UBE2E2: variants seen among roughly 807,000 people sequenced by gnomAD.
UBE2E2 encodes the protein ubiquitin conjugating enzyme E2 E2, also known as ubiquitin-conjugating enzyme E2 E2.
UBE2E2 carries 6 observed loss-of-function variants against 24.7 expected under a neutral mutation model. That is an observed-to-expected ratio of 0.24 (90% confidence interval 0.13 to 0.48). UBE2E2 has a LOEUF of 0.48. Ranked by LOEUF, UBE2E2 falls within the 20% of genes least tolerant of loss-of-function variation. The probability of loss-of-function intolerance (pLI) is 0.99; values close to 1 mark genes in which losing one functional copy is unlikely to be tolerated. For synonymous variants in UBE2E2, 104 were observed against 83.6 expected, an observed-to-expected ratio of 1.24 and a Z score of -1.33; for missense variants, 169 against 245.0, an observed-to-expected ratio of 0.69 and a Z score of 2.07.
intron 4 of UBE2E2, among the ~76,000 whole-genome samples, chr3:23,527,274 G>T (rs2125480739): frequency 6.6e-6 from 1 of 152,222 alleles, no homozygotes; most frequent in African/African-American, 2.4e-5. Context: ...AACTAAATAT[G>T]AGCTTAACAT....
At position 23,407,641 on chromosome 3, in the gene UBE2E2, GCGTGCA is replaced by G. The variant is rs1697393178; in HGVS notation, c.228-91966_228-91961del. Reference sequence around the variant, plus strand: ...CATGTGTGTGTGTTTGTGTGTGCATGCGTGCATGTGTGTGTGTGTGTGTGTGTGTGT... The same window carrying G: ...CATGTGTGTGTGTTTGTGTGTGCATGTGTGTGTGTGTGTGTGTGTGTGTGT... On this transcript the variant is annotated intron_variant, in intron 3 of 5. Coordinates refer to ENST00000396703, the MANE Select transcript of UBE2E2 (RefSeq NM_152653.4). The surrounding 1 kb of genome is among the most constrained non-coding windows in gnomAD (Gnocchi z 4.0). 7.7e-6 allele frequency among the ~76,000 whole-genome samples: 1 copy of G among 130,666 alleles called. No individual in the cohort carries two copies. The highest frequency in any genetic ancestry group is 7.9e-5 in the Admixed American group (1 of 12,622). The allele number at this position is 130,666 out of a possible 152,430, so 85.7% of individuals were successfully genotyped here.
rs1696742986 is a variant in UBE2E2, at chr3:23,590,789, T to C, written c.*958T>C. On this transcript the variant is annotated 3_prime_UTR_variant, in exon 6 of 6. Coordinates refer to ENST00000396703, the MANE Select transcript of UBE2E2 (RefSeq NM_152653.4). The stretch of plus-strand genomic sequence containing the variant: ...GGTTGTTATAGTAAATTGCTATCAT[T>C]TTACATATTGACTGGGCATTCTTTC... The C allele has an allele frequency of 6.6e-6, 1 of 152,244 alleles. No individual in the cohort carries two copies. Among genetic ancestry groups the C allele is most frequent in the Non-Finnish European group, 1.5e-5 (1 of 68,040 alleles). The allele number at this position is 152,244 out of a possible 1,614,324, so 9.4% of individuals were successfully genotyped here. A position where few individuals can be genotyped will look rare whatever the true frequency, so the allele number is the denominator to read the frequency against.
At chr3:23,569,984 A>T (rs143117261) in intron 5 of UBE2E2, among the ~76,000 whole-genome samples, 1 of 152,114 alleles carries the variant, frequency 6.6e-6, no homozygotes, top group Admixed American at 6.5e-5. Flanking sequence ...TTGCTTTTCT[A>T]TCCCTTAACA....
Position 23,490,719 on chromosome 3 carries a change from GTAT to G in UBE2E2, c.228-8885_228-8883del, listed in dbSNP as rs376629002. Reference sequence around the variant, plus strand: ...CTACTGCTTTCCCTGGGAAAAGGAAGTATTATGATGATTAAGTAGTAGTTATTT... The same window carrying G: ...CTACTGCTTTCCCTGGGAAAAGGAAGTATGATGATTAAGTAGTAGTTATTT... On this transcript the variant is annotated intron_variant, in intron 3 of 5. Transcript: ENST00000396703. Among the ~76,000 whole-genome samples the G allele has an allele frequency of 3.2e-4, 48 of 152,282 alleles. No individual in the cohort carries two copies. In the East Asian group the frequency reaches 3.5e-3, roughly 11 times the overall value.
intron 5 of UBE2E2, among the ~76,000 whole-genome samples, chr3:23,568,698 T>TATATATACATGTATATACACAC (rs767858095): frequency 1.7e-5 from 1 of 59,472 alleles, no homozygotes; most frequent in Non-Finnish European, 3.5e-5. Context: ...TATACACACA[T>TATATATACATGTATATACACAC]ATATATATAC....
intron 3 of UBE2E2, among the ~76,000 whole-genome samples, chr3:23,472,524 C>A (rs1030623423): frequency 1.3e-5 from 2 of 150,992 alleles, no homozygotes; most frequent in Non-Finnish European, 1.5e-5. Flanking sequence ...GCAAAGTATT[C>A]TTTGTCACCA....
At chr3:23,466,242 A>T (rs1450348371) in intron 3 of UBE2E2, among the ~76,000 whole-genome samples, 2 of 152,184 alleles carry the variant, frequency 1.3e-5, no homozygotes, top group Admixed American at 6.5e-5. Flanking sequence ...TAAAAAAGTT[A>T]AAAGAAATGT....
chr3:23,352,703 A>C (rs1357010582), intron 3 of UBE2E2, among the ~76,000 whole-genome samples: 1 of 152,194 alleles, frequency 6.6e-6, no homozygotes, highest in Non-Finnish European at 1.5e-5. Flanking sequence ...GAATCTCTGA[A>C]TAGACCAATA....
intron 3 of UBE2E2, among the ~76,000 whole-genome samples, chr3:23,442,361 CA>C (rs562259522): frequency 4.6e-4 from 70 of 152,056 alleles, no homozygotes; most frequent in Middle Eastern, 3.4e-3. Context: ...CCCAACCCCC[CA>C]AAAAGGACTT....
At chr3:23,497,385 T>A (rs1214475878) in intron 3 of UBE2E2, among the ~76,000 whole-genome samples, 2 of 152,364 alleles carry the variant, frequency 1.3e-5, no homozygotes, top group Non-Finnish European at 2.9e-5. Context: ...CATGCAGAGA[T>A]GATTTTTGTC....
chr3:23,317,755 C>A (rs1694625702), intron 3 of UBE2E2, among the ~76,000 whole-genome samples: 1 of 151,970 alleles, frequency 6.6e-6, no homozygotes, highest in Non-Finnish European at 1.5e-5. Flanking sequence ...TTACCTCCTA[C>A]CGGGTCTCTC....
intron 3 of UBE2E2, among the ~76,000 whole-genome samples, chr3:23,395,759 G>T (rs778487): frequency 0.56 from 84,686 of 152,002 alleles, 23,894 homozygotes; most frequent in East Asian, 0.67. Flanking sequence ...AAGGAGAATC[G>T]GGGTATAAGT....
At chr3:23,515,737 G>A (rs543433484) in intron 4 of UBE2E2, among the ~76,000 whole-genome samples, 8 of 151,672 alleles carry the variant, frequency 5.3e-5, no homozygotes, top group East Asian at 1.9e-4. Flanking sequence ...TGGGAGGATC[G>A]CTTGAGGCCA....
chr3:23,372,251 G>C (rs1313758305), intron 3 of UBE2E2, among the ~76,000 whole-genome samples: 8 of 152,118 alleles, frequency 5.3e-5, no homozygotes, highest in African/African-American at 1.9e-4. Flanking sequence ...GGGTACTTCA[G>C]ACTGGGATTT....
intron 3 of UBE2E2, among the ~76,000 whole-genome samples, chr3:23,346,886 C>T (rs147658167): frequency 1.3e-5 from 2 of 152,092 alleles, no homozygotes; most frequent in South Asian, 2.1e-4. Flanking sequence ...TACATATGAG[C>T]CCTGTTTTGA....
intron 3 of UBE2E2, among the ~76,000 whole-genome samples, chr3:23,328,864 G>A (rs1250117661): frequency 6.6e-6 from 1 of 152,080 alleles, no homozygotes; most frequent in East Asian, 1.9e-4. Flanking sequence ...GTTTCACCAT[G>A]TTGGCCAAGC....
chr3:23,481,318 A>T (rs1692647), intron 3 of UBE2E2, among the ~76,000 whole-genome samples: 1 of 152,116 alleles, frequency 6.6e-6, no homozygotes, highest in Non-Finnish European at 1.5e-5. Flanking sequence ...TTTTACAAGT[A>T]GTAGCAATTT....
intron 3 of UBE2E2, among the ~76,000 whole-genome samples, chr3:23,440,579 T>A (rs1698283114): frequency 1.3e-5 from 2 of 152,196 alleles, no homozygotes; most frequent in African/African-American, 4.8e-5. Context: ...AAGGAAGTGG[T>A]CAGATCATGC....
intron 3 of UBE2E2, among the ~76,000 whole-genome samples, chr3:23,324,060 G>A (rs1255756710): frequency 6.6e-6 from 1 of 152,094 alleles, no homozygotes; most frequent in Admixed American, 6.6e-5. Context: ...TGTACTCCCT[G>A]TTTCTGGAAT....
Sources: allele counts gnomAD v4.1 joint callset (sites outside exome capture counted in the v4.1 genomes callset), GRCh38; gene constraint gnomAD v4.1.1; non-coding constraint Gnocchi (gnomAD v3.1); transcripts MANE v1.5; gene names NCBI Gene and HGNC (gene_info 2026-07-23, HGNC 2026-07-21).